The following PMS2 variants were observed in gnomAD, a reference collection of about 807,000 sequenced individuals.
PMS2 encodes PMS1 homolog 2, mismatch repair system component.
PMS2 carries 69 observed loss-of-function variants against 90.0 expected under a neutral mutation model. The ratio of observed to expected loss-of-function variants is 0.77; its 90% CI spans 0.63 to 0.94. The LOEUF (loss-of-function observed/expected upper bound fraction) is 0.94, where lower values mean the gene tolerates loss of function less well. Ranked by LOEUF, PMS2 falls within the 40% of genes least tolerant of loss-of-function variation. The probability of loss-of-function intolerance (pLI) is 0.00; values close to 1 mark genes in which losing one functional copy is unlikely to be tolerated. For missense variants in PMS2, 966 were observed against 1,040.2 expected, an observed-to-expected ratio of 0.93 and a Z score of 0.98; for synonymous variants, 332 against 375.1, an observed-to-expected ratio of 0.89 and a Z score of 1.33.
intron 8 of PMS2, among the ~76,000 whole-genome samples, chr7:5,994,575 C>G (rs570002549): frequency 1.2e-3 from 183 of 151,862 alleles, no homozygotes; most frequent in Middle Eastern, 3.4e-3. Flanking sequence ...AGATCAAAAC[C>G]ATCCTGGCTA....
intron 6 of PMS2, among the ~76,000 whole-genome samples, chr7:5,998,671 G>C (rs1462462426): frequency 6.9e-6 from 1 of 145,838 alleles, no homozygotes; most frequent in East Asian, 2.1e-4. Context: ...TCCAACCTGG[G>C]CAACAGAGCA....
intron 1 of PMS2, among the ~76,000 whole-genome samples, chr7:6,006,912 C>T (rs1785840317): frequency 6.6e-6 from 1 of 152,072 alleles, no homozygotes; most frequent in African/African-American, 2.4e-5. Flanking sequence ...ACATCCTCCA[C>T]TCTATCACCA....
chr7:6,002,351 A>G, intron 5 of PMS2, 102 bp downstream of exon 5: 1 of 805,330 alleles, frequency 1.2e-6, no homozygotes, highest in Non-Finnish European at 2.1e-6. Context: ...TTTCTCAATA[A>G]TTTATGGGAA....
At chr7:5,986,403 T>C (rs2128718176) in intron 11 of PMS2, among the ~76,000 whole-genome samples, 1 of 150,410 alleles carries the variant, frequency 6.6e-6, no homozygotes, top group South Asian at 2.2e-4. Context: ...AAGAAAAAAC[T>C]TTACCTGGCC....
chr7:5,986,413 C>T (rs113382038), intron 11 of PMS2, among the ~76,000 whole-genome samples: 19 of 149,066 alleles, frequency 1.3e-4, no homozygotes, highest in African/African-American at 4.7e-4. Flanking sequence ...TTTACCTGGC[C>T]GGGTGTGGTG....
Position 5,991,957 on chromosome 7 carries a change from T to C in PMS2, c.988+16A>G, listed in dbSNP as rs2128754787. ...GCATTAGTCACTAGTTGTACTGAAATGCCAATGGAACTTACCTGAATCAAC... is the reference window on the plus strand; with the variant it reads ...GCATTAGTCACTAGTTGTACTGAAACGCCAATGGAACTTACCTGAATCAAC... On this transcript the variant is annotated intron_variant, in intron 9 of 14. Coordinates refer to ENST00000265849, the MANE Select transcript of PMS2 (RefSeq NM_000535.7). 2 of 1,265,756 alleles carry C rather than the reference T, an allele frequency of 1.6e-6. No homozygotes were observed. The highest frequency in any genetic ancestry group is 2.3e-6 in the Non-Finnish European group (2 of 861,796). 78.4% of individuals were successfully genotyped at this position (1,265,756 alleles called of 1,614,324 possible).
chr7:5,987,033 G>A lies in PMS2; in HGVS notation c.1732C>T (p.Arg578Cys), dbSNP rs63750534. 19 of 1,614,064 alleles carry A rather than the reference G, an allele frequency of 1.2e-5. No homozygotes were observed. Among genetic ancestry groups the A allele is most frequent in the Admixed American group, 1.7e-5 (1 of 59,988 alleles). ...GAAAGAATTTCTTCTTTTTTAAAACGCTTTGTGTTTGGGGTTGCGAGATTA... is the reference window on the plus strand; with the variant it reads ...GAAAGAATTTCTTCTTTTTTAAAACACTTTGTGTTTGGGGTTGCGAGATTA... ...PTNLATPNTKRFKKEEILSSS... is the reference protein window; with the variant it reads ...PTNLATPNTKCFKKEEILSSS... Residue 578 changes from arginine to cysteine, a missense_variant, in exon 11 of 15, where the codon CGT becomes TGT. Arg to Cys is a radical substitution (Grantham distance 180). Transcript: ENST00000265849.
intron 13 of PMS2, 51 bp from the exon 14 acceptor site, chr7:5,977,808 A>G (rs1441648839): frequency 1.3e-6 from 2 of 1,574,634 alleles, no homozygotes; most frequent in East Asian, 4.5e-5. Flanking sequence ...AACACGTTTC[A>G]CTTGAAAGCT....
chr7:5,994,526 C>T (rs7786901), intron 8 of PMS2, among the ~76,000 whole-genome samples: 2,897 of 152,142 alleles, frequency 0.019, 86 homozygotes, highest in African/African-American at 0.067. Context: ...GTAATTCCAG[C>T]ACTTTGGGAG....
chr7:5,978,425 C>T lies in PMS2; in HGVS notation c.2275+171G>A, dbSNP rs1452295241. On this transcript the variant is annotated intron_variant, in intron 13 of 14. Coordinates refer to ENST00000265849, the MANE Select transcript of PMS2 (RefSeq NM_000535.7). ...AGCTGGGATTACAGGCACCCGCCAC[C>T]ACGCCCGGCTACTTTTTGTATTTTC... Among the ~76,000 whole-genome samples, 2 of 148,518 alleles carry T rather than the reference C, an allele frequency of 1.3e-5. 1 individual carries two copies. Among genetic ancestry groups the T allele is most frequent in the Admixed American group, 1.4e-4 (2 of 14,696 alleles).
intron 1 of PMS2, 86 bp from the exon 2 acceptor site, chr7:6,006,117 T>C: frequency 1.4e-6 from 2 of 1,424,568 alleles, no homozygotes. Context: ...GACTCAACAC[T>C]GTAAATAATT....
At chr7:6,006,341 G>T (rs1785764692) in intron 1 of PMS2, among the ~76,000 whole-genome samples, 1 of 152,110 alleles carries the variant, frequency 6.6e-6, no homozygotes, top group South Asian at 2.1e-4. Context: ...GGCAACAATG[G>T]TGTCTTCTTT....
intron 5 of PMS2, among the ~76,000 whole-genome samples, chr7:5,999,870 G>A (rs187444106): frequency 1.6e-4 from 25 of 152,164 alleles, no homozygotes; most frequent in Admixed American, 1.2e-3. Flanking sequence ...ATGTATCTTC[G>A]TATAATAGAA....
In PMS2 at chr7:5,993,941, A is replaced by T. The variant is rs138425267; in HGVS notation, c.903+1593T>A. Among the ~76,000 whole-genome samples, 13 of 151,302 alleles carry T rather than the reference A, an allele frequency of 8.6e-5. No homozygotes were observed. In the East Asian group the frequency reaches 1.9e-3, roughly 23 times the overall value. ...ATACTGAAAGGTGACATAGAATGTTATAAAATGTTTAGTTTCTTCAAATAG... is the reference window on the plus strand; with the variant it reads ...ATACTGAAAGGTGACATAGAATGTTTTAAAATGTTTAGTTTCTTCAAATAG... On this transcript the variant is annotated intron_variant, in intron 8 of 14. Transcript: ENST00000265849.
At chr7:6,002,205 T>A (rs10951973) in intron 5 of PMS2, 136,520 of 377,938 alleles carry the variant, frequency 0.36, 26,228 homozygotes, top group Middle Eastern at 0.44. Flanking sequence ...AATTTTTTTT[T>A]AAAATTTTTC....
chr7:5,989,940 T>G lies in PMS2; in HGVS notation c.1004A>C (p.Asn335Thr), dbSNP rs200513014. ...ISVDSECVDINVTPDKRQILL... is the reference protein window; with the variant it reads ...ISVDSECVDITVTPDKRQILL... ...AATTTGCCTTTTATCTGGAGTAACA[T>G]TGATATCAACGCATTCTAAGGCAAA... is the stretch of plus-strand genomic sequence containing the variant. Residue 335 changes from asparagine (N) to threonine (T), a missense_variant, in exon 10 of 15, where the codon AAT becomes ACT. By Grantham distance (65) the Asn-to-Thr change is moderately conservative. Transcript: ENST00000265849. 6.2e-7 allele frequency: 1 copy of G among 1,607,538 alleles called. No individual in the cohort carries two copies. Among genetic ancestry groups the G allele is most frequent in the South Asian group, 1.1e-5 (1 of 90,404 alleles).
At chr7:6,001,742 G>A (rs1785108553) in intron 5 of PMS2, among the ~76,000 whole-genome samples, 3 of 152,114 alleles carry the variant, frequency 2.0e-5, no homozygotes, top group Middle Eastern at 6.8e-3. Flanking sequence ...CCAGCACTTT[G>A]AGAGGCCAAG....
intron 13 of PMS2, 125 bp from the exon 14 acceptor site, chr7:5,977,882 G>A: frequency 1.4e-6 from 2 of 1,440,892 alleles, no homozygotes; most frequent in Non-Finnish European, 9.6e-7. Context: ...CACTTTGGGA[G>A]GCTGAGGCCA....
intron 2 of PMS2, among the ~76,000 whole-genome samples, chr7:6,004,980 C>G (rs1423160753): frequency 6.6e-6 from 1 of 151,976 alleles, no homozygotes. Flanking sequence ...TCTTGGCTCA[C>G]TGCAGCCTCC....
Sources: gnomAD v4.1 joint callset for allele counts (sites outside exome capture counted in the v4.1 genomes callset) on GRCh38, gnomAD v4.1.1 for gene constraint, MANE v1.5 for transcripts, NCBI Gene and HGNC (gene_info 2026-07-23, HGNC 2026-07-21) for gene names.